LOC400499: variants seen among roughly 807,000 people sequenced by gnomAD.
chr16:11,507,598 G>A, the LOC400499 span, among the ~76,000 whole-genome samples: 12 of 152,176 alleles, frequency 7.9e-5, no homozygotes, highest in African/African-American at 2.2e-4. Flanking sequence ...GTGAGGCCCC[G>A]GAGCTTATTG....
At chr16:11,489,094 C>T in the LOC400499 span, among the ~76,000 whole-genome samples, 1 of 152,192 alleles carries the variant, frequency 6.6e-6, no homozygotes, top group East Asian at 1.9e-4. Context: ...AATTCTGACA[C>T]ACTTCCCAGA....
chr16:11,448,034 C>G, the LOC400499 span: 1 of 1,535,908 alleles, frequency 6.5e-7, no homozygotes, highest in Non-Finnish European at 8.7e-7. Context: ...CCCTGGGCAC[C>G]AATCCGCACA....
the LOC400499 span, among the ~76,000 whole-genome samples, chr16:11,445,162 G>A: frequency 3.3e-5 from 5 of 151,858 alleles, no homozygotes; most frequent in East Asian, 1.9e-4. Flanking sequence ...TGGGTGCAGC[G>A]GTAATCCCAG....
the LOC400499 span, among the ~76,000 whole-genome samples, chr16:11,443,101 A>C: frequency 2.1e-4 from 32 of 151,872 alleles, no homozygotes; most frequent in Non-Finnish European, 3.4e-4. Flanking sequence ...AGGCCGGGGG[A>C]TCACCTGAGG....
chr16:11,450,945 G>C, the LOC400499 span: 337 of 842,846 alleles, frequency 4.0e-4, 1 homozygote, highest in Middle Eastern at 1.1e-3. Flanking sequence ...GGAATAACTA[G>C]GCATGAGGGA....
At chr16:11,481,191 C>T in the LOC400499 span, among the ~76,000 whole-genome samples, 1 of 152,152 alleles carries the variant, frequency 6.6e-6, no homozygotes, top group South Asian at 2.1e-4. Flanking sequence ...CTGTTGGAGG[C>T]TAGGAGGAGG....
At chr16:11,385,141 G>T in the LOC400499 span, 2 of 1,231,274 alleles carry the variant, frequency 1.6e-6, no homozygotes. Context: ...ATCCCCCCAG[G>T]CGACCTGCCA....
At chr16:11,391,797 C>A in the LOC400499 span, 1 of 1,232,222 alleles carries the variant, frequency 8.1e-7, no homozygotes, top group East Asian at 3.2e-5. Flanking sequence ...CATGGCCTCC[C>A]GCCCCGCCTG....
At chr16:11,394,157 C>A in the LOC400499 span, among the ~76,000 whole-genome samples, 3 of 152,122 alleles carry the variant, frequency 2.0e-5, no homozygotes, top group Admixed American at 6.5e-5. Flanking sequence ...TGCATGGGAA[C>A]CACTGCAAAG....
At chr16:11,495,084 C>T in the LOC400499 span, among the ~76,000 whole-genome samples, 1 of 152,074 alleles carries the variant, frequency 6.6e-6, no homozygotes, top group Non-Finnish European at 1.5e-5. Context: ...TGGTGTGTGC[C>T]TGTAATCCCA....
At chr16:11,386,162 G>A in the LOC400499 span, among the ~76,000 whole-genome samples, 7 of 152,232 alleles carry the variant, frequency 4.6e-5, no homozygotes, top group African/African-American at 9.6e-5. Flanking sequence ...CTGGTGTCCT[G>A]CAGACCTACC....
the LOC400499 span, chr16:11,384,766 A>T: frequency 2.3e-6 from 2 of 860,576 alleles, no homozygotes; most frequent in Non-Finnish European, 3.1e-6. Context: ...CTGCCATGCT[A>T]GAGACGAGGC....
the LOC400499 span, among the ~76,000 whole-genome samples, chr16:11,487,987 C>T: frequency 2.6e-5 from 4 of 151,790 alleles, no homozygotes; most frequent in Admixed American, 6.6e-5. Flanking sequence ...CATGGTGGTG[C>T]GCGCCTGTAG....
the LOC400499 span, among the ~76,000 whole-genome samples, chr16:11,513,282 G>C: frequency 6.6e-6 from 1 of 151,980 alleles, no homozygotes; most frequent in Non-Finnish European, 1.5e-5. Flanking sequence ...CTGTGCACCT[G>C]TAGTCCCAGT....
At chr16:11,381,571 C>CCTCTGTAGCAG in the LOC400499 span, among the ~76,000 whole-genome samples, 1 of 152,202 alleles carries the variant, frequency 6.6e-6, no homozygotes, top group East Asian at 1.9e-4. Context: ...AAATACTCTG[C>CCTCTGTAGCAG]CTCTGTAGCA....
chr16:11,499,350 G>GAGAGGGGGAAGGGAGGCAGAAGGC, the LOC400499 span, among the ~76,000 whole-genome samples: 1 of 135,992 alleles, frequency 7.4e-6, no homozygotes, highest in Non-Finnish European at 1.6e-5. Context: ...AGGCAGAGGG[G>GAGAGGGGGAAGGGAGGCAGAAGGC]AATGGGGGAA....
the LOC400499 span, chr16:11,384,125 C>A: frequency 8.2e-7 from 1 of 1,217,296 alleles, no homozygotes; most frequent in Non-Finnish European, 1.0e-6. Flanking sequence ...CTCTGCAGAG[C>A]CATCAGGCCG....
chr16:11,487,442 G>C, the LOC400499 span: 3 of 398,500 alleles, frequency 7.5e-6, no homozygotes, highest in African/African-American at 2.1e-5. Context: ...GTGGGGTCTG[G>C]CTATTACCAC....
At chr16:11,409,087 C>G in the LOC400499 span, among the ~76,000 whole-genome samples, 41 of 151,640 alleles carry the variant, frequency 2.7e-4, no homozygotes, top group African/African-American at 9.2e-4. Context: ...GTGGCGAAAC[C>G]CCATCTCTAC....
Sources: allele counts gnomAD v4.1 joint callset (sites outside exome capture counted in the v4.1 genomes callset), GRCh38; gene constraint gnomAD v4.1.1; transcripts MANE v1.5.